Variants in FBN3 observed in about 807,000 individuals in gnomAD.
The protein encoded by FBN3 is fibrillin-3.
A neutral mutation model predicts 330.1 loss-of-function variants in FBN3; 234 were observed. The observed-to-expected ratio is 0.71, with a 90% CI of 0.64 to 0.79. FBN3 has a LOEUF of 0.79. Among genes scored for constraint, FBN3 ranks in the 30% least tolerant of loss-of-function variants. FBN3 has a pLI of 0.00. For synonymous variants in FBN3, 1,458 were observed against 1,517.3 expected (o/e 0.96, Z 0.91); for missense variants, 3,606 against 3,886.9 (o/e 0.93, Z 1.92).
At chr19:8,095,274 T>G in intron 46 of FBN3, 101 bp downstream of exon 46, 3 of 1,217,796 alleles carry the variant, frequency 2.5e-6, no homozygotes, top group African/African-American at 1.5e-5. Flanking sequence ...AATAAATGCT[T>G]GGGTAGTAAA....
chr19:8,132,581 T>C (rs1201313595), intron 14 of FBN3, among the ~76,000 whole-genome samples: 1 of 151,946 alleles, frequency 6.6e-6, no homozygotes, highest in East Asian at 1.9e-4. Context: ...AACCTCTACC[T>C]CCCAGGATCA....
chr19:8,135,935 T>TTGGGGGGGC, intron 13 of FBN3, 26 bp downstream of exon 13: 2 of 1,344,156 alleles, frequency 1.5e-6, no homozygotes, highest in African/African-American at 1.5e-5. Context: ...CGGAAGCCCC[T>TTGGGGGGGC]GCCCACCCGC....
chr19:8,089,762 C>T, intron 50 of FBN3, 92 bp from the exon 51 acceptor site: 2 of 1,572,402 alleles, frequency 1.3e-6, no homozygotes, highest in Admixed American at 1.8e-5. Context: ...GACAAAAGCC[C>T]AAGCCCCAGG....
In FBN3 at chr19:8,076,946, G is replaced by A. The variant is rs575306901; in HGVS notation, c.7454-1535C>T. On this transcript the variant is annotated intron_variant, in intron 59 of 63. Transcript: ENST00000600128. Reference sequence around the variant, plus strand: ...CTGGCTAATTTTTGTATTTTTAGTGGGGACTACGTTGTCCACTATGTTGCC... The same window carrying A: ...CTGGCTAATTTTTGTATTTTTAGTGAGGACTACGTTGTCCACTATGTTGCC... Among the ~76,000 whole-genome samples the A allele has an allele frequency of 1.1e-3, 170 of 152,148 alleles. 1 individual carries two copies. The highest frequency in any genetic ancestry group is 3.8e-3 in the African/African-American group (159 of 41,514).
At chr19:8,097,570 C>A (rs1022005792) in intron 41 of FBN3, among the ~76,000 whole-genome samples, 156 bp from the exon 42 acceptor site, 1 of 152,204 alleles carries the variant, frequency 6.6e-6, no homozygotes, top group Non-Finnish European at 1.5e-5. Flanking sequence ...AAAATACATC[C>A]GCTCACACCA....
At chr19:8,075,247 C>G (rs200811952) in intron 60 of FBN3, 36 bp downstream of exon 60, 156 of 1,592,202 alleles carry the variant, frequency 9.8e-5, no homozygotes, top group Admixed American at 5.1e-4. Flanking sequence ...GACCAACACC[C>G]CCAAACACTA....
intron 1 of FBN3, chr19:8,147,727 C>A (rs2083585801): frequency 2.6e-6 from 1 of 388,970 alleles, no homozygotes; most frequent in South Asian, 9.3e-5. Flanking sequence ...ACAGCCAAGG[C>A]AAGACGGGAG....
At chr19:8,082,126 T>TTTTTTTTC (rs1479471637) in intron 57 of FBN3, among the ~76,000 whole-genome samples, 1 of 111,398 alleles carries the variant, frequency 9.0e-6, no homozygotes, top group Non-Finnish European at 2.0e-5. Context: ...ACCTGGCTAA[T>TTTTTTTTC]TTTTTTTCTT....
intron 63 of FBN3, among the ~76,000 whole-genome samples, chr19:8,068,904 G>T (rs2081451096): frequency 6.6e-6 from 1 of 151,824 alleles, no homozygotes; most frequent in African/African-American, 2.4e-5. Flanking sequence ...AGTCCCAGCT[G>T]AGGGACCTTG....
chr19:8,126,132 G>T, intron 21 of FBN3, 115 bp from the exon 22 acceptor site: 1 of 1,493,756 alleles, frequency 6.7e-7, no homozygotes, highest in South Asian at 1.2e-5. Flanking sequence ...GGGGACACGG[G>T]GACTGGGGAC....
At position 8,145,462 on chromosome 19, in the gene FBN3, C is replaced by T. The variant is rs560252853; in HGVS notation, c.445+381G>A. On this transcript the variant is annotated intron_variant, in intron 5 of 63. Coordinates refer to ENST00000600128, the MANE Select transcript of FBN3 (RefSeq NM_032447.5). ...TTGGGAGGCTGAGGCGGGCGGATCA[C>T]GAGGTCAGGAGATCAAGACCATCCT... Among the ~76,000 whole-genome samples the T allele has an allele frequency of 3.3e-5, 5 of 150,720 alleles. No individual in the cohort carries two copies. The South Asian group carries it at 1.0e-3, about 32-fold the overall frequency.
At position 8,066,171 on chromosome 19, in the gene FBN3, G is replaced by A; in HGVS notation, c.8178C>T (p.Leu2726=). Residue 2726 remains leucine (L), a synonymous_variant, in exon 64 of 64, where the codon CTC becomes CTT. Transcript: ENST00000600128. ...HLGRAERILE[L]RPALEGLEGR... ...CCTCTAGACCCTCCAGGGCCGGCCG[G>A]AGCTCCAGGATGCGCTCGGCCCGGC... 6.2e-7 allele frequency: 1 copy of A among 1,612,768 alleles called. No homozygotes were observed. Among genetic ancestry groups the A allele is most frequent in the Non-Finnish European group, 8.5e-7 (1 of 1,179,572 alleles).
At chr19:8,073,467 G>A (rs372507880) in intron 61 of FBN3, among the ~76,000 whole-genome samples, 170 bp from the exon 62 acceptor site, 5 of 152,134 alleles carry the variant, frequency 3.3e-5, no homozygotes, top group East Asian at 1.9e-4. Context: ...CCATAGCCCC[G>A]CTGCCCCAAA....
intron 51 of FBN3, 33 bp downstream of exon 51, chr19:8,089,512 T>C (rs2082044457): frequency 3.1e-6 from 5 of 1,612,740 alleles, no homozygotes; most frequent in Non-Finnish European, 4.2e-6. Context: ...GGGAGGGGCC[T>C]GGGACAGAGC....
At position 8,086,337 on chromosome 19, in the gene FBN3, G is replaced by A. The variant is rs1346794666; in HGVS notation, c.6755-12C>T. ...GCATTCATTGTCATCTGAGATGGGA[G>A]GGGTGAGGCAGGTGGGCGGGGAGGC... On this transcript the variant is annotated splice_polypyrimidine_tract_variant and intron_variant, in intron 54 of 63. Transcript: ENST00000600128. 2 of 1,589,146 alleles carry A rather than the reference G, an allele frequency of 1.3e-6. No individual in the cohort carries two copies. Among genetic ancestry groups the A allele is most frequent in the Non-Finnish European group, 1.7e-6 (2 of 1,163,726 alleles).
chr19:8,135,936 G>GGGGGGGGGGGGGGGCGCCC, intron 13 of FBN3, 25 bp downstream of exon 13: 1 of 668,778 alleles, frequency 1.5e-6, no homozygotes, highest in Non-Finnish European at 2.4e-6. Context: ...GGAAGCCCCT[G>GGGGGGGGGGGGGGGCGCCC]CCCACCCGCC....
intron 18 of FBN3, 67 bp downstream of exon 18, chr19:8,128,961 C>A: frequency 6.5e-7 from 1 of 1,548,448 alleles, no homozygotes; most frequent in East Asian, 2.3e-5. Flanking sequence ...TGCGTGCACA[C>A]GCCACATGCC....
At chr19:8,132,099 G>A (rs981090007) in intron 14 of FBN3, among the ~76,000 whole-genome samples, 1 of 152,278 alleles carries the variant, frequency 6.6e-6, no homozygotes, top group Non-Finnish European at 1.5e-5. Context: ...AGACTGGAGT[G>A]CAGTGGCGTG....
At chr19:8,120,785 C>T (rs2082828528) in intron 25 of FBN3, among the ~76,000 whole-genome samples, 1 of 152,188 alleles carries the variant, frequency 6.6e-6, no homozygotes, top group South Asian at 2.1e-4. Context: ...CCCAGTTTTG[C>T]ATTTCCTCAG....
Sources: gnomAD v4.1 joint callset for allele counts (sites outside exome capture counted in the v4.1 genomes callset) on GRCh38, gnomAD v4.1.1 for gene constraint, MANE v1.5 for transcripts, NCBI Gene and HGNC (gene_info 2026-07-23, HGNC 2026-07-21) for gene names.